The following RAB38 variants were observed in gnomAD, a reference collection of about 807,000 sequenced individuals.
The protein encoded by RAB38 is RAB38, member RAS oncogene family.
RAB38 carries 15 observed loss-of-function variants against 18.4 expected under a neutral mutation model. The ratio of observed to expected loss-of-function variants is 0.82; its 90% CI spans 0.55 to 1.26. The LOEUF (loss-of-function observed/expected upper bound fraction) is 1.26. RAB38 is among the 50% of genes most tolerant of loss of function. The probability of loss-of-function intolerance (pLI) is 0.00; values close to 1 mark genes in which losing one functional copy is unlikely to be tolerated. For synonymous variants in RAB38, 101 were observed against 104.4 expected (o/e 0.97, Z 0.20); for missense variants, 294 against 267.4 (o/e 1.10, Z -0.69).
the RAB38 span, among the ~76,000 whole-genome samples, chr11:88,031,097 C>G: frequency 1.3e-5 from 2 of 150,974 alleles, no homozygotes; most frequent in African/African-American, 4.9e-5. Context: ...TAAATGTAAT[C>G]CAGCATATAA....
the RAB38 span, among the ~76,000 whole-genome samples, chr11:87,858,916 C>T: frequency 4.2e-4 from 62 of 149,358 alleles, 2 homozygotes; most frequent in South Asian, 0.013. Context: ...AAATTGTGTC[C>T]ACCTGAGTCC....
chr11:88,111,110 C>T (rs1942467985), downstream of RAB38, among the ~76,000 whole-genome samples: 1 of 152,188 alleles, frequency 6.6e-6, no homozygotes, highest in Non-Finnish European at 1.5e-5. Flanking sequence ...TTCATCATTT[C>T]CCTTCCCTTG....
the RAB38 span, among the ~76,000 whole-genome samples, chr11:88,027,283 C>A: frequency 6.6e-6 from 1 of 152,074 alleles, no homozygotes; most frequent in Non-Finnish European, 1.5e-5. Context: ...CTACAGCTCC[C>A]AGTGTGAGCG....
chr11:88,091,720 A>G, the RAB38 span, among the ~76,000 whole-genome samples: 1 of 151,958 alleles, frequency 6.6e-6, no homozygotes, highest in East Asian at 1.9e-4. Context: ...AAGCCCCAGC[A>G]TTGGGGCTAG....
chr11:87,804,408 A>G, the RAB38 span, among the ~76,000 whole-genome samples: 125 of 152,176 alleles, frequency 8.2e-4, no homozygotes, highest in Middle Eastern at 3.4e-3. Context: ...ACACCTGCTG[A>G]GGTATCTTGT....
chr11:87,887,362 T>C, the RAB38 span, among the ~76,000 whole-genome samples: 4 of 152,084 alleles, frequency 2.6e-5, no homozygotes, highest in African/African-American at 9.6e-5. Context: ...AAAACAGGAA[T>C]TTGTTACTTA....
the RAB38 span, among the ~76,000 whole-genome samples, chr11:88,061,012 T>G: frequency 6.6e-6 from 1 of 152,150 alleles, no homozygotes; most frequent in Non-Finnish European, 1.5e-5. Flanking sequence ...CAACAATTTG[T>G]TTTTTTAGGT....
the RAB38 span, among the ~76,000 whole-genome samples, chr11:87,836,043 A>G: frequency 1.3e-5 from 2 of 152,214 alleles, no homozygotes; most frequent in African/African-American, 4.8e-5. Context: ...TCTACATAAT[A>G]TACAGCCATA....
chr11:87,897,612 A>G, the RAB38 span, among the ~76,000 whole-genome samples: 1 of 151,604 alleles, frequency 6.6e-6, no homozygotes, highest in African/African-American at 2.4e-5. Flanking sequence ...TAGAGCAGAT[A>G]CACATATTTG....
At chr11:88,084,676 C>T in the RAB38 span, among the ~76,000 whole-genome samples, 1 of 151,816 alleles carries the variant, frequency 6.6e-6, no homozygotes, top group Admixed American at 6.6e-5. Context: ...CCTCATATAA[C>T]AGCTCTCTCT....
rs374334684 is a variant in RAB38 at position 88,144,780 on chromosome 11, G to A, written c.483+4895C>T. The stretch of plus-strand genomic sequence containing the variant: ...AAGGGTATCTGTCAGGAGTAGGACT[G>A]GGATAGGGGAGCAAGAGCTGGAAGC... On this transcript the variant is annotated intron_variant, in intron 2 of 2. Coordinates refer to ENST00000243662, the MANE Select transcript of RAB38 (RefSeq NM_022337.3). 6.1e-3 allele frequency among the ~76,000 whole-genome samples: 928 copies of A among 152,056 alleles called. 9 individuals carry two copies. Among genetic ancestry groups the A allele is most frequent in the African/African-American group, 0.021 (884 of 41,554 alleles).
At chr11:87,959,548 A>T in the RAB38 span, among the ~76,000 whole-genome samples, 1 of 152,182 alleles carries the variant, frequency 6.6e-6, no homozygotes, top group Non-Finnish European at 1.5e-5. Flanking sequence ...TTTTACTAGC[A>T]TCAGAATACC....
chr11:88,049,047 C>G, the RAB38 span, among the ~76,000 whole-genome samples: 4 of 152,160 alleles, frequency 2.6e-5, no homozygotes, highest in South Asian at 6.2e-4. Context: ...CCCCTTACCA[C>G]AAAATCTTCC....
chr11:87,945,192 A>AT, the RAB38 span, among the ~76,000 whole-genome samples: 1 of 152,138 alleles, frequency 6.6e-6, no homozygotes, highest in Admixed American at 6.6e-5. Context: ...TAACTTTCTG[A>AT]TTTTGTATTG....
At chr11:87,896,391 G>A in the RAB38 span, among the ~76,000 whole-genome samples, 1 of 151,628 alleles carries the variant, frequency 6.6e-6, no homozygotes, top group Non-Finnish European at 1.5e-5. Flanking sequence ...AATCTGGAGG[G>A]ACCATGCTTG....
At chr11:87,959,367 C>A in the RAB38 span, among the ~76,000 whole-genome samples, 1 of 152,078 alleles carries the variant, frequency 6.6e-6, no homozygotes, top group Non-Finnish European at 1.5e-5. Flanking sequence ...GACATTGAAT[C>A]TCAAAGAAGA....
chr11:88,155,118 A>T (rs1452427484), intron 1 of RAB38, among the ~76,000 whole-genome samples: 2 of 152,206 alleles, frequency 1.3e-5, no homozygotes, highest in Non-Finnish European at 2.9e-5. Context: ...CACACTTGGT[A>T]GCTGCCCCCC....
chr11:87,851,806 A>G, the RAB38 span, among the ~76,000 whole-genome samples: 2 of 152,128 alleles, frequency 1.3e-5, no homozygotes, highest in Non-Finnish European at 2.9e-5. Flanking sequence ...TCTGAAATTC[A>G]CTGAAGTACC....
chr11:87,976,736 A>G, the RAB38 span, among the ~76,000 whole-genome samples: 1 of 116,210 alleles, frequency 8.6e-6, no homozygotes, highest in African/African-American at 3.7e-5. Flanking sequence ...TTTATATAAT[A>G]TATATTTATA....
Sources: gnomAD v4.1 joint callset for allele counts (sites outside exome capture counted in the v4.1 genomes callset) on GRCh38, gnomAD v4.1.1 for gene constraint, MANE v1.5 for transcripts, NCBI Gene and HGNC (gene_info 2026-07-23, HGNC 2026-07-21) for gene names.